The following FBXL17 variants were observed in gnomAD, a reference collection of about 807,000 sequenced individuals.
The protein encoded by FBXL17 is F-box and leucine rich repeat protein 17.
Under a neutral mutation model 66.2 loss-of-function variants are expected in FBXL17, and 22 were observed. That is an observed-to-expected ratio of 0.33 (90% confidence interval 0.24 to 0.47). FBXL17 has a LOEUF of 0.47. Ranked by LOEUF, FBXL17 falls within the 20% of genes least tolerant of loss-of-function variation. FBXL17 has a pLI of 1.00. For missense variants in FBXL17, 878 were observed against 948.2 expected, an observed-to-expected ratio of 0.93 and a Z score of 0.97; for synonymous variants, 474 against 400.5, an observed-to-expected ratio of 1.18 and a Z score of -2.19.
chr5:108,021,591 C>T (rs1053176555), intron 6 of FBXL17, among the ~76,000 whole-genome samples: 1 of 151,272 alleles, frequency 6.6e-6, no homozygotes, highest in African/African-American at 2.4e-5. Flanking sequence ...AAGGTTTAGG[C>T]CATTTTAACA....
At chr5:108,038,771 T>C (rs1314510429) in intron 6 of FBXL17, among the ~76,000 whole-genome samples, 1 of 152,084 alleles carries the variant, frequency 6.6e-6, no homozygotes, top group Non-Finnish European at 1.5e-5. Flanking sequence ...GAGATAATTG[T>C]AAAAATTTAG....
At chr5:107,934,974 G>C (rs958675778) in intron 7 of FBXL17, among the ~76,000 whole-genome samples, 1 of 152,060 alleles carries the variant, frequency 6.6e-6, no homozygotes, top group African/African-American at 2.4e-5. Flanking sequence ...TAGACCTCAA[G>C]TCAGGTGGTC....
At chr5:108,044,506 ATAGTGCATG>A (rs1747175470) in intron 6 of FBXL17, among the ~76,000 whole-genome samples, 1 of 152,310 alleles carries the variant, frequency 6.6e-6, no homozygotes, top group East Asian at 1.9e-4. Context: ...CCAGTTGGCC[ATAGTGCATG>A]ATTCTTTTTA....
At chr5:108,131,056 C>T (rs1477725843) in intron 6 of FBXL17, among the ~76,000 whole-genome samples, 1 of 152,088 alleles carries the variant, frequency 6.6e-6, no homozygotes, top group Non-Finnish European at 1.5e-5. Context: ...AACTCTGCTA[C>T]TGAAATAAAT....
chr5:108,094,494 A>G (rs979318539), intron 6 of FBXL17, among the ~76,000 whole-genome samples: 1 of 152,148 alleles, frequency 6.6e-6, no homozygotes, highest in Non-Finnish European at 1.5e-5. Context: ...ATTCACATCC[A>G]TTCCATCTCT....
In FBXL17 at chr5:108,257,211, A is replaced by G. The variant is rs979541297; in HGVS notation, c.1507-32983T>C. On this transcript the variant is annotated intron_variant, in intron 4 of 8. Coordinates refer to ENST00000542267, the MANE Select transcript of FBXL17 (RefSeq NM_001163315.3). Reference sequence around the variant, plus strand: ...ACAACAAACAAAGACAGACAGATCCAATAGAGAATTCTGGCTTCACCCTAG... The same window carrying G: ...ACAACAAACAAAGACAGACAGATCCGATAGAGAATTCTGGCTTCACCCTAG... Among the ~76,000 whole-genome samples the G allele has an allele frequency of 5.3e-5, 8 of 152,342 alleles. No individual in the cohort carries two copies. In the South Asian group the frequency reaches 1.0e-3, roughly 20 times the overall value.
rs574843393 is a variant in FBXL17 at position 108,044,225 on chromosome 5, G to C, written c.1746-23224C>G. Among the ~76,000 whole-genome samples, 9 of 151,302 alleles carry C rather than the reference G, an allele frequency of 5.9e-5. No individual in the cohort carries two copies. In the East Asian group the frequency reaches 1.8e-3, roughly 30 times the overall value. On this transcript the variant is annotated intron_variant, in intron 6 of 8. Coordinates refer to ENST00000542267, the MANE Select transcript of FBXL17 (RefSeq NM_001163315.3). Reference sequence around the variant, plus strand: ...TAGAACTTCCAGTACTATATTAAGAGTGGTGAGAGCAGATATCCTTACCTT... The same window carrying C: ...TAGAACTTCCAGTACTATATTAAGACTGGTGAGAGCAGATATCCTTACCTT...
intron 6 of FBXL17, among the ~76,000 whole-genome samples, chr5:108,025,738 C>CACACAT (rs1754793342): frequency 6.6e-6 from 1 of 151,462 alleles, no homozygotes; most frequent in Non-Finnish European, 1.5e-5. Context: ...CACACACACA[C>CACACAT]ACACACACAC....
intron 6 of FBXL17, among the ~76,000 whole-genome samples, chr5:108,137,406 G>T (rs977588115): frequency 6.6e-6 from 1 of 152,016 alleles, no homozygotes; most frequent in Non-Finnish European, 1.5e-5. Flanking sequence ...CTACGTCATG[G>T]CATGTTGCTC....
At chr5:108,042,160 C>T (rs977635778) in intron 6 of FBXL17, among the ~76,000 whole-genome samples, 2 of 152,222 alleles carry the variant, frequency 1.3e-5, no homozygotes, top group Non-Finnish European at 2.9e-5. Flanking sequence ...TCCCAAAGTG[C>T]TGGGATTACA....
At chr5:108,365,640 G>C (rs139528628) in intron 2 of FBXL17, among the ~76,000 whole-genome samples, 21 of 152,124 alleles carry the variant, frequency 1.4e-4, no homozygotes, top group African/African-American at 5.1e-4. Context: ...GAAATTAAGG[G>C]AACTCACAAG....
At chr5:108,016,073 G>C (rs989163138) in intron 7 of FBXL17, among the ~76,000 whole-genome samples, 2 of 152,164 alleles carry the variant, frequency 1.3e-5, no homozygotes, top group African/African-American at 4.8e-5. Context: ...ATGTTTGACA[G>C]AATGAAATTT....
intron 7 of FBXL17, among the ~76,000 whole-genome samples, chr5:107,983,555 G>C (rs570289281): frequency 6.6e-6 from 1 of 152,036 alleles, no homozygotes; most frequent in Non-Finnish European, 1.5e-5. Context: ...TACTGAGATA[G>C]CAAAGAGAGA....
At chr5:107,886,052 A>T (rs1313747607) in intron 7 of FBXL17, among the ~76,000 whole-genome samples, 1 of 152,204 alleles carries the variant, frequency 6.6e-6, no homozygotes, top group African/African-American at 2.4e-5. Flanking sequence ...GCCAAAGGGG[A>T]TAGGAATTAA....
intron 6 of FBXL17, among the ~76,000 whole-genome samples, chr5:108,119,926 G>A (rs899778309): frequency 1.3e-5 from 2 of 152,164 alleles, no homozygotes; most frequent in Non-Finnish European, 2.9e-5. Context: ...TCACCCATTG[G>A]CTCCAAAGCA....
At chr5:108,107,183 T>C (rs1270621751) in intron 6 of FBXL17, among the ~76,000 whole-genome samples, 1 of 152,124 alleles carries the variant, frequency 6.6e-6, no homozygotes, top group Non-Finnish European at 1.5e-5. Flanking sequence ...GCGATTCTCC[T>C]GCCTCAGCCT....
rs1310333314 is a variant in FBXL17 at position 108,265,016 on chromosome 5, A to G, written c.1507-40788T>C. 1.2e-4 allele frequency among the ~76,000 whole-genome samples: 19 copies of G among 152,004 alleles called. 1 individual carries two copies. The highest frequency in any genetic ancestry group is 1.2e-3 in the Admixed American group (19 of 15,252). On this transcript the variant is annotated intron_variant, in intron 4 of 8. Transcript: ENST00000542267. ...ATCTGTGATCCATCCTCTATATTAAAAGATTATATGAATTAATATTGTCAA... is the reference window on the plus strand; with the variant it reads ...ATCTGTGATCCATCCTCTATATTAAGAGATTATATGAATTAATATTGTCAA...
At chr5:108,140,979 T>C (rs1276625730) in intron 6 of FBXL17, among the ~76,000 whole-genome samples, 1 of 152,170 alleles carries the variant, frequency 6.6e-6, no homozygotes, top group Admixed American at 6.5e-5. Flanking sequence ...TCTCCCTCCA[T>C]TAACTTTCTT....
chr5:108,307,917 G>A (rs1758926708), intron 4 of FBXL17, among the ~76,000 whole-genome samples: 1 of 152,096 alleles, frequency 6.6e-6, no homozygotes, highest in South Asian at 2.1e-4. Context: ...TTATCTATGT[G>A]TATATGTAAT....
Sources: allele counts gnomAD v4.1 joint callset (sites outside exome capture counted in the v4.1 genomes callset), GRCh38; gene constraint gnomAD v4.1.1; transcripts MANE v1.5; gene names NCBI Gene and HGNC (gene_info 2026-07-23, HGNC 2026-07-21).